The following LPAR1 variants were observed in gnomAD, a reference collection of about 807,000 sequenced individuals.
The protein encoded by LPAR1 is lysophosphatidic acid receptor 1, also known as LPA receptor 1.
In LPAR1, 5 loss-of-function variants were observed where a neutral mutation model predicts 23.8. The ratio of observed to expected loss-of-function variants is 0.21; its 90% CI spans 0.11 to 0.44. The LOEUF is 0.44. Among genes scored for constraint, LPAR1 ranks in the 20% least tolerant of loss-of-function variants. The pLI is 0.99. For synonymous variants in LPAR1, 160 were observed against 164.7 expected, an observed-to-expected ratio of 0.97 and a Z score of 0.22; for missense variants, 311 against 482.8, an observed-to-expected ratio of 0.64 and a Z score of 3.33.
At chr9:110,949,022 A>T (rs1184530659) in intron 4 of LPAR1, among the ~76,000 whole-genome samples, 1 of 152,070 alleles carries the variant, frequency 6.6e-6, no homozygotes, top group African/African-American at 2.4e-5. Flanking sequence ...AGAAATCATG[A>T]CTCTAGTCCC....
intron 2 of LPAR1, among the ~76,000 whole-genome samples, chr9:110,988,701 A>C (rs1475941355): frequency 6.6e-6 from 1 of 152,172 alleles, no homozygotes; most frequent in Non-Finnish European, 1.5e-5. Flanking sequence ...GGGAATATAA[A>C]AGGTGCAGCC....
At chr9:110,898,643 C>T (rs956384351) in intron 5 of LPAR1, among the ~76,000 whole-genome samples, 6 of 152,212 alleles carry the variant, frequency 3.9e-5, no homozygotes, top group Admixed American at 2.6e-4. Flanking sequence ...CAATATTGTC[C>T]TTTCCACAAA....
chr9:110,912,242 C>T (rs1220210876), intron 5 of LPAR1, among the ~76,000 whole-genome samples: 1 of 152,130 alleles, frequency 6.6e-6, no homozygotes. Context: ...TTGCTGTGAC[C>T]CTCTCCATCA....
In LPAR1 at chr9:110,981,184, G is replaced by C. The variant is rs2096658384; in HGVS notation, c.-181-7626C>G. ...TTTTCTTATAACTTTTAACAGTTTG[G>C]TTGGTTGAGTCAGAATTCAAATAAA... On this transcript the variant is annotated intron_variant, in intron 2 of 5. Transcript: ENST00000683809. 2.6e-5 allele frequency among the ~76,000 whole-genome samples: 4 copies of C among 152,056 alleles called. No individual in the cohort carries two copies. The South Asian group carries it at 8.3e-4, about 31-fold the overall frequency.
intron 2 of LPAR1, among the ~76,000 whole-genome samples, chr9:111,007,613 T>A (rs1372332059): frequency 6.6e-6 from 1 of 152,130 alleles, no homozygotes; most frequent in Non-Finnish European, 1.5e-5. Flanking sequence ...TCTAAATTTA[T>A]AATATTCAGT....
chr9:110,916,635 T>C (rs962568955), intron 5 of LPAR1, among the ~76,000 whole-genome samples: 1 of 152,060 alleles, frequency 6.6e-6, no homozygotes, highest in Non-Finnish European at 1.5e-5. Context: ...GGGTTGGCCA[T>C]ACTTTTTTTC....
chr9:110,946,352 C>T (rs187830949), intron 4 of LPAR1, among the ~76,000 whole-genome samples: 3 of 151,832 alleles, frequency 2.0e-5, no homozygotes, highest in Admixed American at 6.6e-5. Flanking sequence ...ATGTAGATTA[C>T]AAAACAAAGT....
chr9:110,988,337 A>G (rs1379285995), intron 2 of LPAR1, among the ~76,000 whole-genome samples: 1 of 152,066 alleles, frequency 6.6e-6, no homozygotes, highest in Middle Eastern at 3.2e-3. Context: ...ATGGATAAAT[A>G]TAAAAACCAT....
chr9:110,913,528 CAT>C (rs200963109), intron 5 of LPAR1, among the ~76,000 whole-genome samples: 13,537 of 151,096 alleles, frequency 0.09, 1,780 homozygotes, highest in East Asian at 0.58. Flanking sequence ...TGTACACACA[CAT>C]GTGTATCAAG....
intron 2 of LPAR1, among the ~76,000 whole-genome samples, chr9:111,031,661 T>C (rs1314573438): frequency 6.6e-6 from 1 of 152,126 alleles, no homozygotes; most frequent in Non-Finnish European, 1.5e-5. Context: ...AAGCAAACTA[T>C]ATACTGAGCA....
rs557041109 is a variant in LPAR1, at chr9:110,974,810, T to C, written c.-181-1252A>G. Among the ~76,000 whole-genome samples, 126 of 152,288 alleles carry C rather than the reference T, an allele frequency of 8.3e-4. 1 individual carries two copies. The highest frequency in any genetic ancestry group is 3.4e-3 in the Middle Eastern group (1 of 294). Reference sequence around the variant, plus strand: ...AAGCATATGTATACAGGACCTTTCTTTTTTCAAGATGACTGCTAGAGTGCC... The same window carrying C: ...AAGCATATGTATACAGGACCTTTCTCTTTTCAAGATGACTGCTAGAGTGCC... On this transcript the variant is annotated intron_variant, in intron 2 of 5. Transcript: ENST00000683809.
intron 2 of LPAR1, among the ~76,000 whole-genome samples, chr9:111,031,431 AAAG>A (rs1330418941): frequency 6.6e-6 from 1 of 151,166 alleles, no homozygotes; most frequent in East Asian, 1.9e-4. Context: ...AAAGAAAAAG[AAAG>A]AAGAAGAAAG....
rs576478780 is a variant in LPAR1 at position 110,951,398 on chromosome 9, T to C, written c.46-9230A>G. On this transcript the variant is annotated intron_variant, in intron 4 of 5. Coordinates refer to ENST00000683809, the MANE Select transcript of LPAR1 (RefSeq NM_001351411.2). ...CTTTAGAAACACACATAAGAAAGAC[T>C]TTCTCTACAGTGAAATGTAAAGACT... Among the ~76,000 whole-genome samples, 41 of 152,234 alleles carry C rather than the reference T, an allele frequency of 2.7e-4. No homozygotes were observed. In the South Asian group the frequency reaches 8.1e-3, roughly 30 times the overall value.
chr9:110,937,992 A>C (rs922361157), intron 5 of LPAR1, among the ~76,000 whole-genome samples: 4 of 152,214 alleles, frequency 2.6e-5, no homozygotes, highest in Admixed American at 2.6e-4. Flanking sequence ...TAGCTGAATA[A>C]AGTGGCATTT....
intron 5 of LPAR1, among the ~76,000 whole-genome samples, chr9:110,922,811 A>C (rs2093718382): frequency 8.4e-6 from 1 of 118,928 alleles, no homozygotes; most frequent in Non-Finnish European, 1.7e-5. Flanking sequence ...TCTGTTTTCA[A>C]GGTCTTATTA....
intron 5 of LPAR1, among the ~76,000 whole-genome samples, chr9:110,890,261 C>G (rs1238404859): frequency 6.6e-6 from 1 of 151,904 alleles, no homozygotes; most frequent in East Asian, 1.9e-4. Context: ...TGAATATACC[C>G]AAAACAAAAA....
intron 5 of LPAR1, among the ~76,000 whole-genome samples, chr9:110,882,997 G>A (rs7021745): frequency 0.019 from 2,874 of 152,178 alleles, 95 homozygotes; most frequent in African/African-American, 0.066. Flanking sequence ...TAAAAGTTTT[G>A]TCTTGTTTGG....
At chr9:110,902,715 C>G (rs1564415908) in intron 5 of LPAR1, among the ~76,000 whole-genome samples, 2 of 152,142 alleles carry the variant, frequency 1.3e-5, no homozygotes, top group Admixed American at 6.5e-5. Context: ...AGGTGGCTTG[C>G]AGCACTAGCA....
chr9:110,909,795 G>C (rs1399970914), intron 5 of LPAR1, among the ~76,000 whole-genome samples: 1 of 151,250 alleles, frequency 6.6e-6, no homozygotes, highest in African/African-American at 2.4e-5. Context: ...GCCCTGACTA[G>C]AGTGCAGTGG....
Sources: allele counts gnomAD v4.1 joint callset (sites outside exome capture counted in the v4.1 genomes callset), GRCh38; gene constraint gnomAD v4.1.1; transcripts MANE v1.5; gene names NCBI Gene and HGNC (gene_info 2026-07-23, HGNC 2026-07-21).